INSR: variants seen among roughly 807,000 people sequenced by gnomAD.
INSR encodes the protein IR.
In INSR, 67 loss-of-function variants were observed where a neutral mutation model predicts 142.6. That is an observed-to-expected ratio of 0.47 (90% CI 0.39 to 0.58). INSR has a LOEUF of 0.58. INSR is among the 20% of genes least tolerant of loss of function. The probability of loss-of-function intolerance (pLI) is 0.00; values close to 1 mark genes in which losing one functional copy is unlikely to be tolerated. For missense variants in INSR, 1,248 were observed against 1,833.2 expected (o/e 0.68, Z 5.83); for synonymous variants, 756 against 743.1 (o/e 1.02, Z -0.28).
chr19:7,245,788 C>T, intron 2 of INSR, among the ~76,000 whole-genome samples: 1 of 152,030 alleles, frequency 6.6e-6, no homozygotes, highest in African/African-American at 2.4e-5. Context: ...AAAAACAAAA[C>T]TAAAAAAACA....
chr19:7,182,623 C>A (rs769749651), intron 3 of INSR, among the ~76,000 whole-genome samples: 1 of 152,104 alleles, frequency 6.6e-6, no homozygotes. Flanking sequence ...TGTTTTCTTC[C>A]GTTCAGGAAA....
At chr19:7,131,024 G>A (rs1972767667) in intron 14 of INSR, among the ~76,000 whole-genome samples, 2 of 117,810 alleles carry the variant, frequency 1.7e-5, no homozygotes, top group Admixed American at 1.5e-4. Flanking sequence ...GACTGCGGGT[G>A]CACACCACTA....
rs1973313882 is a variant in INSR, at chr19:7,150,650, G to C, written c.2232-118C>G. The stretch of plus-strand genomic sequence containing the variant: ...TAAGGGCACCCTGGCTTTGACCCTG[G>C]ACCACTCGCTCCCATCACTTGCTAG... On this transcript the variant is annotated intron_variant, in intron 10 of 21. Coordinates refer to ENST00000302850, the MANE Select transcript of INSR (RefSeq NM_000208.4). This position sits in a 1 kb window ranked among gnomAD's most constrained non-coding sequence, Gnocchi z 4.2. 1 of 881,672 alleles carries C rather than the reference G, an allele frequency of 1.1e-6. No homozygotes were observed. Among genetic ancestry groups the C allele is most frequent in the South Asian group, 1.4e-5 (1 of 72,516 alleles). 54.6% of individuals were successfully genotyped at this position (881,672 alleles called of 1,614,324 possible).
intron 20 of INSR, 100 bp downstream of exon 20, chr19:7,120,520 G>T: frequency 1.4e-6 from 2 of 1,406,832 alleles, no homozygotes. Flanking sequence ...CCTTGATGGG[G>T]CGTCCAGGAG....
At chr19:7,275,218 A>C (rs1221497028) in intron 1 of INSR, among the ~76,000 whole-genome samples, 1 of 151,760 alleles carries the variant, frequency 6.6e-6, no homozygotes, top group Non-Finnish European at 1.5e-5. Flanking sequence ...CAGGTGATCC[A>C]CCTGCCTTGG....
At position 7,257,527 on chromosome 19, in the gene INSR, C is replaced by CAAAA. The variant is rs55712056; in HGVS notation, c.652+9814_652+9817dup. On this transcript the variant is annotated intron_variant, in intron 2 of 21. Transcript: ENST00000302850. Reference sequence around the variant, plus strand: ...CCTCCTCCACCCAAACAGAGAGCTCCAAAAAAAAAAAAAAAAAATGCTAAT... The same window carrying CAAAA: ...CCTCCTCCACCCAAACAGAGAGCTCCAAAAAAAAAAAAAAAAAAAAAATGCTAAT... Among the ~76,000 whole-genome samples the CAAAA allele has an allele frequency of 7.9e-4, 67 of 85,184 alleles. 1 individual carries two copies. The East Asian group carries it at 0.022, about 29-fold the overall frequency. The allele number at this position is 85,184 out of a possible 152,430, so 55.9% of individuals were successfully genotyped here.
At chr19:7,158,275 C>T (rs1375246825) in intron 9 of INSR, among the ~76,000 whole-genome samples, 5 of 151,816 alleles carry the variant, frequency 3.3e-5, no homozygotes, top group Admixed American at 1.3e-4. Flanking sequence ...CCAAGGTGGG[C>T]AGATCACGAG....
At chr19:7,233,165 T>C (rs1307766275) in intron 2 of INSR, among the ~76,000 whole-genome samples, 2 of 152,070 alleles carry the variant, frequency 1.3e-5, no homozygotes, top group Non-Finnish European at 2.9e-5. Context: ...GGCTAATTTT[T>C]GTATTTTTAA....
chr19:7,178,248 G>T (rs887753195), intron 3 of INSR, among the ~76,000 whole-genome samples: 25 of 134,022 alleles, frequency 1.9e-4, no homozygotes, highest in Admixed American at 3.8e-4. Context: ...ACTTGTGGGG[G>T]GGGGGGTGCC....
At chr19:7,176,184 G>A (rs573869036) in intron 3 of INSR, among the ~76,000 whole-genome samples, 2 of 152,348 alleles carry the variant, frequency 1.3e-5, no homozygotes, top group African/African-American at 4.8e-5. Flanking sequence ...TCCCCAATGT[G>A]GGAGGTGGGG....
intron 2 of INSR, among the ~76,000 whole-genome samples, chr19:7,214,869 C>T (rs1211017955): frequency 6.9e-6 from 1 of 144,384 alleles, no homozygotes; most frequent in Non-Finnish European, 1.5e-5. Context: ...CCGTCCCCAC[C>T]TCCTTCCTTC....
In INSR at chr19:7,293,785, G is replaced by C. The variant is rs1402961662; in HGVS notation, c.100+7C>G. On this transcript the variant is annotated splice_region_variant and intron_variant, in intron 1 of 21. Transcript: ENST00000302850. ...CTCCCCGCCCACGCCCGCGCCCCCAGACTCACCCTCTCCGGGGTACAGGTG... is the reference window on the plus strand; with the variant it reads ...CTCCCCGCCCACGCCCGCGCCCCCACACTCACCCTCTCCGGGGTACAGGTG... 3 of 1,357,396 alleles carry C rather than the reference G, an allele frequency of 2.2e-6. No homozygotes were observed. The African/African-American group carries it at 4.5e-5, about 20-fold the overall frequency. 84.1% of individuals were successfully genotyped at this position (1,357,396 alleles called of 1,614,324 possible). A position where few individuals can be genotyped will look rare whatever the true frequency, so the allele number is the denominator to read the frequency against.
intron 2 of INSR, among the ~76,000 whole-genome samples, chr19:7,194,530 T>G (rs973119703): frequency 3.9e-5 from 3 of 76,000 alleles, no homozygotes; most frequent in African/African-American, 9.0e-5. Flanking sequence ...TTTTTTTTTT[T>G]GAGACAAAAT....
At chr19:7,229,088 T>C (rs1161902879) in intron 2 of INSR, among the ~76,000 whole-genome samples, 4 of 149,732 alleles carry the variant, frequency 2.7e-5, no homozygotes, top group Non-Finnish European at 5.9e-5. Flanking sequence ...TATGGATGGA[T>C]GGGTGATTGG....
rs1774881696 is a variant in INSR at position 7,267,094 on chromosome 19, T to C, written c.652+251A>G. On this transcript the variant is annotated intron_variant, in intron 2 of 21. Transcript: ENST00000302850. This position sits in a 1 kb window ranked among gnomAD's most constrained non-coding sequence, Gnocchi z 6.3. ...ACAGTCATACATTTATGCATGCCTG[T>C]GGCTGCTTGTCCAATACAGTGGCAG... is the stretch of plus-strand genomic sequence containing the variant. Among the ~76,000 whole-genome samples, 1 of 152,080 alleles carries C rather than the reference T, an allele frequency of 6.6e-6. No individual in the cohort carries two copies. Among genetic ancestry groups the C allele is most frequent in the Non-Finnish European group, 1.5e-5 (1 of 68,020 alleles).
intron 11 of INSR, among the ~76,000 whole-genome samples, chr19:7,149,592 C>A (rs375554119): frequency 1.3e-5 from 2 of 152,088 alleles, no homozygotes; most frequent in African/African-American, 4.8e-5. Flanking sequence ...GAGGCCGAGG[C>A]GGGCGGATCG....
chr19:7,276,691 C>A (rs911391004), intron 1 of INSR, among the ~76,000 whole-genome samples: 2 of 152,018 alleles, frequency 1.3e-5, no homozygotes, highest in Non-Finnish European at 2.9e-5. Context: ...ATCTTCAACC[C>A]CTCTGCACGC....
chr19:7,197,341 C>CGAGT (rs1568480038), intron 2 of INSR, among the ~76,000 whole-genome samples: 2 of 135,270 alleles, frequency 1.5e-5, no homozygotes, highest in African/African-American at 2.7e-5. Context: ...AGTGAGTAAG[C>CGAGT]GAGTGAGTGA....
chr19:7,279,349 A>G (rs550497031), intron 1 of INSR, among the ~76,000 whole-genome samples: 1 of 151,894 alleles, frequency 6.6e-6, no homozygotes, highest in East Asian at 1.9e-4. Context: ...TTCTGGCAGC[A>G]GAATGAAGAA....
Sources: allele counts gnomAD v4.1 joint callset (sites outside exome capture counted in the v4.1 genomes callset), GRCh38; gene constraint gnomAD v4.1.1; non-coding constraint Gnocchi (gnomAD v3.1); transcripts MANE v1.5; gene names NCBI Gene and HGNC (gene_info 2026-07-23, HGNC 2026-07-21).